GMDS: variants seen among roughly 807,000 people sequenced by gnomAD.
The protein encoded by GMDS is GDP-mannose 4,6-dehydratase.
Under a neutral mutation model 49.9 loss-of-function variants are expected in GMDS, and 20 were observed. That is an observed-to-expected ratio of 0.40 (90% confidence interval 0.28 to 0.58). The LOEUF is 0.58. Among genes scored for constraint, GMDS ranks in the 20% least tolerant of loss-of-function variants. GMDS has a pLI of 0.42. For missense variants in GMDS, 362 were observed against 481.4 expected (o/e 0.75, Z 2.32); for synonymous variants, 177 against 178.6 (o/e 0.99, Z 0.07).
chr6:2,023,322 G>A (rs1484511072), intron 4 of GMDS, among the ~76,000 whole-genome samples: 1 of 152,220 alleles, frequency 6.6e-6, no homozygotes. Context: ...ATGGCCATAA[G>A]CTACAAAAGG....
At chr6:1,876,060 A>G (rs561117980) in intron 7 of GMDS, among the ~76,000 whole-genome samples, 1 of 151,110 alleles carries the variant, frequency 6.6e-6, no homozygotes, top group Non-Finnish European at 1.5e-5. Flanking sequence ...GAGCATAAAT[A>G]ATGCAGTCTT....
chr6:1,692,600 T>C (rs927404243), intron 9 of GMDS, among the ~76,000 whole-genome samples: 2 of 152,222 alleles, frequency 1.3e-5, no homozygotes, highest in East Asian at 1.9e-4. Context: ...TAAAATTCTG[T>C]TTTTCTGTTT....
chr6:2,125,128 T>TG lies in GMDS; in HGVS notation c.103-398dup, dbSNP rs374138208. On this transcript the variant is annotated intron_variant, in intron 1 of 10. Coordinates refer to ENST00000380815, the MANE Select transcript of GMDS (RefSeq NM_001500.4). ...CATAAAGCAGAAATCTTAGTAATTC[T>TG]GGGGGGTCATTAAACAAGATCACTG... 1.1e-3 allele frequency among the ~76,000 whole-genome samples: 174 copies of TG among 152,260 alleles called. 1 individual carries two copies. The highest frequency in any genetic ancestry group is 3.9e-3 in the African/African-American group (161 of 41,522).
intron 7 of GMDS, among the ~76,000 whole-genome samples, chr6:1,928,203 A>T (rs1017104297): frequency 1.1e-4 from 16 of 152,112 alleles, no homozygotes; most frequent in African/African-American, 3.6e-4. Flanking sequence ...CGTCTCTACT[A>T]AAAATATAAA....
intron 7 of GMDS, among the ~76,000 whole-genome samples, chr6:1,925,110 T>C (rs1440771993): frequency 6.6e-6 from 1 of 152,230 alleles, no homozygotes. Flanking sequence ...ACAGTAATTG[T>C]AGACATTAAT....
At chr6:2,032,686 T>C (rs1769041743) in intron 4 of GMDS, among the ~76,000 whole-genome samples, 1 of 152,136 alleles carries the variant, frequency 6.6e-6, no homozygotes, top group African/African-American at 2.4e-5. Context: ...AACAAAAAGG[T>C]AATTTGCTTA....
chr6:2,047,902 T>C (rs995363469), intron 4 of GMDS, among the ~76,000 whole-genome samples: 1 of 152,252 alleles, frequency 6.6e-6, no homozygotes, highest in Non-Finnish European at 1.5e-5. Flanking sequence ...CATGTAGTGT[T>C]AGAAAACTTG....
At chr6:2,202,796 C>T (rs1009205216) in intron 1 of GMDS, among the ~76,000 whole-genome samples, 3 of 152,110 alleles carry the variant, frequency 2.0e-5, no homozygotes, top group African/African-American at 7.2e-5. Flanking sequence ...TAAGCTATGA[C>T]CCTGGTTCTG....
At chr6:2,194,217 A>G (rs1470436914) in intron 1 of GMDS, among the ~76,000 whole-genome samples, 1 of 152,108 alleles carries the variant, frequency 6.6e-6, no homozygotes, top group Non-Finnish European at 1.5e-5. Context: ...GTGCTTCTGT[A>G]TTCTCCATTG....
chr6:1,801,555 A>T (rs1769950847), intron 7 of GMDS, among the ~76,000 whole-genome samples: 1 of 152,232 alleles, frequency 6.6e-6, no homozygotes, highest in South Asian at 2.1e-4. Context: ...CACATGATGC[A>T]TTCCCCACCC....
chr6:1,711,197 C>A (rs1765947483), intron 9 of GMDS, among the ~76,000 whole-genome samples: 1 of 152,260 alleles, frequency 6.6e-6, no homozygotes, highest in African/African-American at 2.4e-5. Context: ...GTGCATCATT[C>A]CCTGACTGCA....
chr6:1,991,923 G>C (rs1765966942), intron 4 of GMDS, among the ~76,000 whole-genome samples: 1 of 152,190 alleles, frequency 6.6e-6, no homozygotes, highest in Non-Finnish European at 1.5e-5. Context: ...GTGATGATGA[G>C]GACAGATCGG....
chr6:1,880,504 T>G (rs1252255553), intron 7 of GMDS, among the ~76,000 whole-genome samples: 2 of 152,118 alleles, frequency 1.3e-5, no homozygotes, highest in Non-Finnish European at 2.9e-5. Context: ...GTGAGCTACG[T>G]TGAGGGCTTA....
chr6:1,978,642 G>C (rs775266942), intron 4 of GMDS, among the ~76,000 whole-genome samples: 2 of 152,170 alleles, frequency 1.3e-5, no homozygotes, highest in Non-Finnish European at 2.9e-5. Context: ...TGAGTGGTGG[G>C]GCAGGTCATC....
chr6:1,776,046 C>A (rs1458779294), intron 7 of GMDS, among the ~76,000 whole-genome samples: 1 of 152,186 alleles, frequency 6.6e-6, no homozygotes, highest in East Asian at 1.9e-4. Context: ...CTCTGCACTG[C>A]TACCGTCGTG....
chr6:1,751,861 C>A (rs866299933), intron 7 of GMDS, among the ~76,000 whole-genome samples: 11 of 152,304 alleles, frequency 7.2e-5, no homozygotes, highest in Middle Eastern at 3.4e-3. Flanking sequence ...AACGTCCACA[C>A]AAAAACTCCA....
intron 7 of GMDS, among the ~76,000 whole-genome samples, chr6:1,929,709 T>C (rs890581008): frequency 6.6e-6 from 1 of 152,158 alleles, no homozygotes. Flanking sequence ...AGTAGAATAA[T>C]GTAAGTCCAA....
intron 1 of GMDS, among the ~76,000 whole-genome samples, chr6:2,209,361 T>C (rs1412270501): frequency 2.0e-5 from 3 of 152,150 alleles, no homozygotes; most frequent in Non-Finnish European, 4.4e-5. Context: ...AGATCTGATG[T>C]TTTAAGCAGC....
chr6:1,672,122 T>C (rs577103656), intron 9 of GMDS, among the ~76,000 whole-genome samples: 2 of 152,308 alleles, frequency 1.3e-5, no homozygotes, highest in Admixed American at 6.5e-5. Context: ...GATTAGACAA[T>C]GCCCAGTAAT....
Sources: allele counts gnomAD v4.1 joint callset (sites outside exome capture counted in the v4.1 genomes callset), GRCh38; gene constraint gnomAD v4.1.1; transcripts MANE v1.5; gene names NCBI Gene and HGNC (gene_info 2026-07-23, HGNC 2026-07-21).